AHI1: variants seen among roughly 807,000 people sequenced by gnomAD.
The protein encoded by AHI1 is Abelson helper integration site 1.
In AHI1, 123 loss-of-function variants were observed where a neutral mutation model predicts 149.3. That is an observed-to-expected ratio of 0.82 (90% confidence interval 0.71 to 0.96). The LOEUF is 0.96. Ranked by LOEUF, AHI1 falls within the 40% of genes least tolerant of loss-of-function variation. The pLI is 0.00. For synonymous variants in AHI1, 475 were observed against 459.8 expected, an observed-to-expected ratio of 1.03 and a Z score of -0.42; for missense variants, 1,439 against 1,422.7, an observed-to-expected ratio of 1.01 and a Z score of -0.18.
chr6:135,357,238 T>C (rs1793135416), intron 24 of AHI1, among the ~76,000 whole-genome samples: 1 of 152,130 alleles, frequency 6.6e-6, no homozygotes, highest in Non-Finnish European at 1.5e-5. Flanking sequence ...TGTCCGGCCA[T>C]CTTTATTTTC....
intron 17 of AHI1, among the ~76,000 whole-genome samples, chr6:135,430,308 AT>A (rs1784473509): frequency 6.6e-6 from 1 of 151,952 alleles, no homozygotes; most frequent in African/African-American, 2.4e-5. Flanking sequence ...ATCTTGTAAC[AT>A]TACATTTTTT....
intron 24 of AHI1, among the ~76,000 whole-genome samples, chr6:135,326,770 A>G (rs962680045): frequency 5.0e-5 from 4 of 79,444 alleles, no homozygotes; most frequent in African/African-American, 1.0e-4. Flanking sequence ...CACGTTGGCC[A>G]GGCTGTCTCA....
At chr6:135,419,189 TCA>T (rs1782799176) in intron 20 of AHI1, among the ~76,000 whole-genome samples, 1 of 152,068 alleles carries the variant, frequency 6.6e-6, no homozygotes, top group African/African-American at 2.4e-5. Context: ...GATTCAAGTC[TCA>T]CAGTCAACCA....
At chr6:135,440,194 G>T (rs1786060376) in intron 14 of AHI1, among the ~76,000 whole-genome samples, 1 of 152,046 alleles carries the variant, frequency 6.6e-6, no homozygotes, top group Admixed American at 6.6e-5. Flanking sequence ...CTCACTATTT[G>T]ACAGTCTGGC....
chr6:135,290,527 T>A lies in AHI1; in HGVS notation c.3486-2A>T, dbSNP rs1412515128. The A allele has an allele frequency of 6.2e-7, 1 of 1,613,652 alleles. No individual in the cohort carries two copies. The highest frequency in any genetic ancestry group is 2.2e-5 in the East Asian group (1 of 44,872). ...CTCTGTTCTTTTCTCATTTCAGAAC[T>A]ATAGGAGGGAAAGATCAGAAACAAG... On this transcript the variant is annotated splice_acceptor_variant, in intron 27 of 28. Transcript: ENST00000265602. LOFTEE classifies it high-confidence loss of function.
At chr6:135,482,544 T>C (rs1341470646) in intron 5 of AHI1, among the ~76,000 whole-genome samples, 1 of 152,156 alleles carries the variant, frequency 6.6e-6, no homozygotes, top group Non-Finnish European at 1.5e-5. Context: ...TTTAATGCAC[T>C]GTCCAGTATG....
chr6:135,463,551 AG>A (rs1391537407), intron 7 of AHI1, among the ~76,000 whole-genome samples: 1 of 152,008 alleles, frequency 6.6e-6, no homozygotes, highest in Non-Finnish European at 1.5e-5. Flanking sequence ...TCTAAACCCC[AG>A]GGGAAAGGGA....
intron 23 of AHI1, 168 bp downstream of exon 23, chr6:135,394,608 T>C (rs1347157555): frequency 1.1e-6 from 1 of 941,658 alleles, no homozygotes; most frequent in Non-Finnish European, 1.6e-6. Flanking sequence ...AAACTTACTT[T>C]TGAAATAACC....
intron 10 of AHI1, 101 bp from the exon 11 acceptor site, chr6:135,453,537 C>T: frequency 1.2e-6 from 1 of 840,674 alleles, no homozygotes. Flanking sequence ...TGCTTAAAAA[C>T]ATTAACCTTT....
At chr6:135,445,886 C>T (rs1020178881) in intron 13 of AHI1, among the ~76,000 whole-genome samples, 5 of 152,072 alleles carry the variant, frequency 3.3e-5, no homozygotes, top group African/African-American at 9.7e-5. Flanking sequence ...GAAACCCCAT[C>T]TCTACTAAAA....
intron 27 of AHI1, chr6:135,297,579 C>G: frequency 2.2e-6 from 1 of 453,502 alleles, no homozygotes; most frequent in Non-Finnish European, 4.4e-6. Flanking sequence ...ATTTCCTCAT[C>G]TGACCTGTAA....
intron 24 of AHI1, among the ~76,000 whole-genome samples, chr6:135,327,932 A>T (rs1402886770): frequency 1.3e-5 from 2 of 152,180 alleles, no homozygotes; most frequent in African/African-American, 2.4e-5. Context: ...TTCCTTTGCA[A>T]CATGCCTTGT....
At chr6:135,485,581 G>A (rs955236012) in intron 5 of AHI1, among the ~76,000 whole-genome samples, 2 of 152,024 alleles carry the variant, frequency 1.3e-5, no homozygotes, top group African/African-American at 2.4e-5. Flanking sequence ...ATTTGAATCT[G>A]TATTTTTGGA....
intron 26 of AHI1, among the ~76,000 whole-genome samples, chr6:135,309,561 C>A (rs909403966): frequency 1.3e-5 from 2 of 151,374 alleles, no homozygotes; most frequent in Non-Finnish European, 2.9e-5. Flanking sequence ...CAGCTCACTG[C>A]AACCTATGCC....
chr6:135,452,646 C>T (rs1164235634), intron 11 of AHI1, among the ~76,000 whole-genome samples: 2 of 152,146 alleles, frequency 1.3e-5, no homozygotes, highest in Non-Finnish European at 2.9e-5. Flanking sequence ...CTTCCTCTTG[C>T]TATAATGACT....
chr6:135,398,947 G>T (rs1030627307), intron 22 of AHI1, among the ~76,000 whole-genome samples: 2 of 152,162 alleles, frequency 1.3e-5, no homozygotes, highest in Admixed American at 1.3e-4. Flanking sequence ...AATTTGGGAG[G>T]CTGAGGCAGG....
intron 17 of AHI1, 24 bp downstream of exon 17, chr6:135,431,184 A>G (rs1040474735): frequency 6.8e-7 from 1 of 1,463,834 alleles, no homozygotes; most frequent in African/African-American, 1.4e-5. Flanking sequence ...ATTAAATCCC[A>G]AAATATAAAA....
At chr6:135,398,042 C>A (rs979644586) in intron 22 of AHI1, among the ~76,000 whole-genome samples, 5 of 138,932 alleles carry the variant, frequency 3.6e-5, no homozygotes, top group African/African-American at 8.1e-5. Context: ...AAAAAGAAAC[C>A]AATAATACCC....
Position 135,438,465 on chromosome 6 carries a change from T to A in AHI1, c.1946A>T (p.Glu649Val). ...AATGATATTGAGGTGGCCACACAAT[T>A]CTCTCATGAAACGTCCAGAAGGAAT... ...YEIPSGRFMR[E>V]LCGHLNIIYD... The change falls in exon 15 of 29, where the codon GAA becomes GTA. Residue 649 changes from glutamate to valine, a missense_variant. Physicochemically the swap from Glu to Val is moderately radical, Grantham distance 121 (BLOSUM62 -2). Coordinates refer to ENST00000265602, the MANE Select transcript of AHI1 (RefSeq NM_001134831.2). The A allele has an allele frequency of 6.4e-7, 1 of 1,551,404 alleles. No homozygotes were observed. The highest frequency in any genetic ancestry group is 8.7e-7 in the Non-Finnish European group (1 of 1,146,204).
Sources: gnomAD v4.1 joint callset for allele counts (sites outside exome capture counted in the v4.1 genomes callset) on GRCh38, gnomAD v4.1.1 for gene constraint, MANE v1.5 for transcripts, NCBI Gene and HGNC (gene_info 2026-07-23, HGNC 2026-07-21) for gene names.